The following UBXN6 variants were observed in gnomAD, a reference collection of about 807,000 sequenced individuals.
UBXN6 encodes the protein UBX domain protein 6, also known as UBX domain-containing protein 6.
Under a neutral mutation model 51.4 loss-of-function variants are expected in UBXN6, and 44 were observed. The ratio of observed to expected loss-of-function variants is 0.86; its 90% CI spans 0.67 to 1.10. The LOEUF (loss-of-function observed/expected upper bound fraction) is 1.10. UBXN6 is among the 50% of genes least tolerant of loss of function. The probability of loss-of-function intolerance (pLI) is 0.00; values close to 1 mark genes in which losing one functional copy is unlikely to be tolerated. For synonymous variants in UBXN6, 316 were observed against 263.2 expected, an observed-to-expected ratio of 1.20 and a Z score of -1.94; for missense variants, 672 against 596.1, an observed-to-expected ratio of 1.13 and a Z score of -1.32.
intron 4 of UBXN6, among the ~76,000 whole-genome samples, chr19:4,451,544 G>C (rs758286321): frequency 3.2e-4 from 49 of 152,114 alleles, no homozygotes; most frequent in Non-Finnish European, 6.5e-4. Flanking sequence ...GGCAGAGACA[G>C]GGTTTTGCCA....
At chr19:4,449,805 A>C (rs1330534531) in intron 4 of UBXN6, 2 of 152,168 alleles carry the variant, frequency 1.3e-5, no homozygotes, top group African/African-American at 4.8e-5. Context: ...TGGGGCTGAG[A>C]AGAAAGCTGA....
chr19:4,445,487 C>T lies in UBXN6; in HGVS notation c.*11G>A. 1 of 1,613,746 alleles carries T rather than the reference C, an allele frequency of 6.2e-7. No individual in the cohort carries two copies. Among genetic ancestry groups the T allele is most frequent in the Non-Finnish European group, 8.5e-7 (1 of 1,179,932 alleles). On this transcript the variant is annotated 3_prime_UTR_variant, in exon 11 of 11. Coordinates refer to ENST00000301281, the MANE Select transcript of UBXN6 (RefSeq NM_025241.3). ...CAGACCCACAGGGCTGAGGCCAACC[C>T]TGCTTTTATTTCACAAGAGCTTCTC...
intron 1 of UBXN6, chr19:4,455,222 GGCTGT>G (rs1169264523): frequency 1.0e-6 from 1 of 985,348 alleles, no homozygotes. Context: ...TGAACTTACG[GGCTGT>G]GTCAATTTCT....
chr19:4,454,481 G>A (rs970132261), intron 1 of UBXN6, among the ~76,000 whole-genome samples: 1 of 152,136 alleles, frequency 6.6e-6, no homozygotes. Flanking sequence ...GGAGTATAGT[G>A]GCACGATCAT....
At chr19:4,454,454 G>A (rs1374710449) in intron 1 of UBXN6, among the ~76,000 whole-genome samples, 1 of 152,136 alleles carries the variant, frequency 6.6e-6, no homozygotes, top group Non-Finnish European at 1.5e-5. Flanking sequence ...ACAGGGTCTT[G>A]CTCTCTCACC....
intron 1 of UBXN6, chr19:4,455,329 T>G: frequency 1.0e-6 from 1 of 979,416 alleles, no homozygotes; most frequent in Non-Finnish European, 1.2e-6. Context: ...CGGGCAGCCC[T>G]CCCTCCTCGT....
chr19:4,448,234 G>T, intron 5 of UBXN6, 84 bp downstream of exon 5: 8 of 1,257,374 alleles, frequency 6.4e-6, no homozygotes, highest in Non-Finnish European at 8.9e-6. Context: ...GTAATGAGGG[G>T]GCCAGAGGGG....
upstream of UBXN6, chr19:4,457,823 A>T (rs1175874139): frequency 5.3e-5 from 26 of 492,716 alleles, no homozygotes; most frequent in African/African-American, 4.1e-4. Context: ...AAAAAAAAAA[A>T]TTTACCTCGC....
In UBXN6 at chr19:4,454,048, C is replaced by T. The variant is rs202229402; in HGVS notation, c.129G>A (p.Pro43=). 9.5e-6 allele frequency: 15 copies of T among 1,581,418 alleles called. No individual in the cohort carries two copies. Among genetic ancestry groups the T allele is most frequent in the Middle Eastern group, 1.7e-4 (1 of 5,898 alleles). Residue 43 remains proline (P), a synonymous_variant, in exon 2 of 11, where the codon CCG becomes CCA. Coordinates refer to ENST00000301281, the MANE Select transcript of UBXN6 (RefSeq NM_025241.3). ...KEKPNQPAPR[P]PRQGPTNEAQ... is the part of the protein sequence containing the mutation. ...CCTCATTGGTGGGTCCCTGGCGGGG[C>T]GGCCTGGGGGCTGGCTGGTTGGGCT...
chr19:4,445,944 C>T (rs927615586), intron 10 of UBXN6, 105 bp downstream of exon 10: 1 of 1,493,612 alleles, frequency 6.7e-7, no homozygotes, highest in South Asian at 1.3e-5. Flanking sequence ...GCCCAGGCCC[C>T]CTGCTCTGAG....
chr19:4,447,056 G>C, intron 6 of UBXN6, 136 bp from the exon 7 acceptor site: 3 of 809,660 alleles, frequency 3.7e-6, no homozygotes, highest in Non-Finnish European at 4.0e-6. Flanking sequence ...CCCTGGGGGT[G>C]CCTCAGTGCT....
In UBXN6 at chr19:4,446,620, C is replaced by T. The variant is rs200047802; in HGVS notation, c.800G>A (p.Arg267His). ...KEQLLAAEPV[R>H]AKLDRQRRVF... ...GCGGCGCTGCCTGTCCAGCTTGGCG[C>T]GCACGGGCTCCGCAGCCAGCAGCTG... Residue 267 changes from arginine (R) to histidine (H), a missense_variant, in exon 8 of 11, where the codon CGC becomes CAC. By Grantham distance (29) the Arg-to-His change is conservative. Transcript: ENST00000301281. 2.1e-4 allele frequency: 335 copies of T among 1,612,524 alleles called. 4 individuals carry two copies. In the South Asian group the frequency reaches 2.3e-3, roughly 11 times the overall value.
intron 1 of UBXN6, among the ~76,000 whole-genome samples, chr19:4,454,540 A>G (rs918481081): frequency 6.6e-5 from 10 of 152,140 alleles, no homozygotes. Context: ...CTCCCGCCTC[A>G]GCCTCCCAAG....
rs113855338 is a variant in UBXN6, at chr19:4,448,335, A to T, written c.522T>A (p.Gly174=). The change falls in exon 5 of 11, where the codon GGT becomes GGA. Residue 174 remains glycine, a synonymous_variant. Transcript: ENST00000301281. ...FNKDQDRVKL[G]VDTIAKYLDN... is the part of the protein sequence containing the mutation. ...ACGCTCACTTGGCAATGGTGTCCAC[A>T]CCCAGCTTCACCCGGTCCTGGTCTT... The T allele has an allele frequency of 2.7e-5, 44 of 1,608,282 alleles. No homozygotes were observed. In the African/African-American group the frequency reaches 4.5e-4, roughly 17 times the overall value.
chr19:4,446,642 G>A lies in UBXN6; in HGVS notation c.778C>T (p.Leu260=). ...GCGCGCACGGGCTCCGCAGCCAGCA[G>A]CTGTTCCTTGTGCCTCTCCAGGCTC... ...PQSLERHKEQ[L]LAAEPVRAKL... Residue 260 remains leucine (L), a synonymous_variant, in exon 8 of 11, where the codon CTG becomes TTG. Transcript: ENST00000301281. 3 of 1,612,578 alleles carry A rather than the reference G, an allele frequency of 1.9e-6. No individual in the cohort carries two copies. In the South Asian group the frequency reaches 3.3e-5, roughly 18 times the overall value.
intron 10 of UBXN6, 131 bp from the exon 11 acceptor site, chr19:4,445,754 G>A (rs1023111336): frequency 1.4e-5 from 20 of 1,431,470 alleles, no homozygotes; most frequent in South Asian, 8.1e-5. Flanking sequence ...GCTGTGGCTC[G>A]CACCCAGGCC....
chr19:4,445,435 G>A lies in UBXN6; in HGVS notation c.*63C>T, dbSNP rs878914623. The stretch of plus-strand genomic sequence containing the variant: ...GGTGGCTTGGAGGCCCTGGGGTGGC[G>A]GGGAGAGGAACAGGGAGAGCATGAG... On this transcript the variant is annotated 3_prime_UTR_variant, in exon 11 of 11. Transcript: ENST00000301281. 96 of 1,602,166 alleles carry A rather than the reference G, an allele frequency of 6.0e-5. No homozygotes were observed. The highest frequency in any genetic ancestry group is 3.0e-4 in the South Asian group (27 of 90,356).
Position 4,446,288 on chromosome 19 carries a change from A to G in UBXN6, c.1046T>C (p.Leu349Pro), listed in dbSNP as rs756616365. Residue 349 changes from leucine (L) to proline (P), a missense_variant, in exon 9 of 11, where the codon CTG (leucine) becomes CCG (proline). Physicochemically the swap from Leu to Pro is moderately conservative, Grantham distance 98. Coordinates refer to ENST00000301281, the MANE Select transcript of UBXN6 (RefSeq NM_025241.3). ...CGGGCATCGTTGGTGCCCACCCTGC[A>G]GGAGGCAGCCATCGGGGAGGCGCAC... ...LRVRLPDGCL[L>P]QGTFYARERL... 2.5e-5 allele frequency: 40 copies of G among 1,572,672 alleles called. No homozygotes were observed. The highest frequency in any genetic ancestry group is 3.1e-5 in the Non-Finnish European group (36 of 1,163,578).
Position 4,454,034 on chromosome 19 carries a change from G to C in UBXN6, c.143C>G (p.Pro48Arg). 1 of 1,592,250 alleles carries C rather than the reference G, an allele frequency of 6.3e-7. No homozygotes were observed. The highest frequency in any genetic ancestry group is 8.5e-7 in the Non-Finnish European group (1 of 1,172,508). Reference sequence around the variant, plus strand: ...GGCTGCCATCTGTGCCTCATTGGTGGGTCCCTGGCGGGGCGGCCTGGGGGC... The same window carrying C: ...GGCTGCCATCTGTGCCTCATTGGTGCGTCCCTGGCGGGGCGGCCTGGGGGC... ...QPAPRPPRQG[P>R]TNEAQMAAAA... Residue 48 changes from proline (P) to arginine (R), a missense_variant, in exon 2 of 11, where the codon CCC becomes CGC. Coordinates refer to ENST00000301281, the MANE Select transcript of UBXN6 (RefSeq NM_025241.3).
Sources: allele counts gnomAD v4.1 joint callset (sites outside exome capture counted in the v4.1 genomes callset), GRCh38; gene constraint gnomAD v4.1.1; transcripts MANE v1.5; gene names NCBI Gene and HGNC (gene_info 2026-07-23, HGNC 2026-07-21).